Variants in LRRC37A2 observed in about 807,000 individuals in gnomAD.
LRRC37A2 encodes leucine-rich repeat-containing protein 37A2.
LRRC37A2 carries 9 observed loss-of-function variants against 68.8 expected under a neutral mutation model. The observed-to-expected ratio is 0.13, with a 90% CI of 0.08 to 0.23. The LOEUF is 0.23. Among genes scored for constraint, LRRC37A2 ranks in the 10% least tolerant of loss-of-function variants. LRRC37A2 has a pLI of 1.00. For synonymous variants in LRRC37A2, 63 were observed against 367.6 expected, an observed-to-expected ratio of 0.17 and a Z score of 9.48; for missense variants, 168 against 950.4, an observed-to-expected ratio of 0.18 and a Z score of 10.82.
the LRRC37A2 span, among the ~76,000 whole-genome samples, chr17:46,779,093 ACACACACACAC>A: frequency 8.3e-6 from 1 of 121,160 alleles, no homozygotes; most frequent in Non-Finnish European, 1.9e-5. Context: ...ACACACACAC[ACACACACACAC>A]CCCAGCCCAC....
the LRRC37A2 span, among the ~76,000 whole-genome samples, chr17:46,392,456 T>TC: frequency 1.7e-5 from 1 of 60,242 alleles, no homozygotes; most frequent in Non-Finnish European, 4.0e-5. Flanking sequence ...TTTCTTTCTT[T>TC]CTTTCTTTCT....
chr17:46,827,007 C>A, the LRRC37A2 span, among the ~76,000 whole-genome samples: 1 of 152,140 alleles, frequency 6.6e-6, no homozygotes, highest in African/African-American at 2.4e-5. Flanking sequence ...GAACTCCTGA[C>A]CTCAAATGAT....
At chr17:47,021,827 A>G in the LRRC37A2 span, 554 of 1,410,638 alleles carry the variant, frequency 3.9e-4, no homozygotes, top group Non-Finnish European at 5.2e-4. Context: ...CTATTCAAGG[A>G]TATAAACTGT....
the LRRC37A2 span, among the ~76,000 whole-genome samples, chr17:46,959,387 C>T: frequency 6.6e-6 from 1 of 152,210 alleles, no homozygotes; most frequent in South Asian, 2.1e-4. Context: ...GTCTGGTAGT[C>T]CTCAAAAGCC....
At chr17:46,635,777 A>G in the LRRC37A2 span, among the ~76,000 whole-genome samples, 2 of 116,702 alleles carry the variant, frequency 1.7e-5, no homozygotes, top group Non-Finnish European at 3.8e-5. Context: ...GGGAAAATAA[A>G]TGTGTGTGTG....
chr17:46,381,949 A>AT, the LRRC37A2 span, among the ~76,000 whole-genome samples: 1 of 116,236 alleles, frequency 8.6e-6, no homozygotes, highest in Non-Finnish European at 2.0e-5. Flanking sequence ...AAATGTTAAC[A>AT]TATGATATCT....
chr17:46,968,961 T>C, the LRRC37A2 span: 1 of 152,652 alleles, frequency 6.6e-6, no homozygotes, highest in African/African-American at 2.4e-5. Flanking sequence ...ATTGTTCTAA[T>C]GGGTCCTACC....
chr17:46,499,279 T>C, the LRRC37A2 span, among the ~76,000 whole-genome samples: 1 of 103,500 alleles, frequency 9.7e-6, no homozygotes, highest in Non-Finnish European at 1.7e-5. Flanking sequence ...ACCACTGCAC[T>C]CCAGCCTGGT....
At chr17:47,041,978 C>G in the LRRC37A2 span, 2 of 41,086 alleles carry the variant, frequency 4.9e-5, 1 homozygote, top group African/African-American at 1.2e-4. Context: ...AGGAGACCAC[C>G]AGGTTGCCTA....
chr17:46,939,975 A>G, the LRRC37A2 span: 33 of 1,009,474 alleles, frequency 3.3e-5, no homozygotes, highest in Non-Finnish European at 3.9e-5. Context: ...AAGACATAAA[A>G]TGACACTCAA....
At chr17:46,722,511 G>T in the LRRC37A2 span, among the ~76,000 whole-genome samples, 4 of 152,070 alleles carry the variant, frequency 2.6e-5, no homozygotes, top group African/African-American at 9.7e-5. Context: ...TAAAGTTGTG[G>T]TGCAGCTTCC....
At chr17:46,881,793 A>G in the LRRC37A2 span, among the ~76,000 whole-genome samples, 1 of 152,218 alleles carries the variant, frequency 6.6e-6, no homozygotes, top group Non-Finnish European at 1.5e-5. Flanking sequence ...TGCATTTGCA[A>G]TATCTATCTT....
chr17:46,862,475 T>G, the LRRC37A2 span, among the ~76,000 whole-genome samples: 4 of 152,194 alleles, frequency 2.6e-5, no homozygotes, highest in African/African-American at 9.7e-5. Context: ...ACTTGTAGTT[T>G]TCTGAGTTTC....
chr17:46,932,541 A>T, the LRRC37A2 span: 1 of 527,308 alleles, frequency 1.9e-6, no homozygotes, highest in Non-Finnish European at 3.3e-6. Flanking sequence ...AACTTAGGCC[A>T]TTTGTAGAGA....
the LRRC37A2 span, among the ~76,000 whole-genome samples, chr17:46,961,950 CA>C: frequency 2.6e-5 from 4 of 152,242 alleles, no homozygotes; most frequent in East Asian, 7.7e-4. Flanking sequence ...ATTTAATCAA[CA>C]AATACTTGTT....
chr17:46,753,670 T>TC, the LRRC37A2 span, among the ~76,000 whole-genome samples: 1 of 152,200 alleles, frequency 6.6e-6, no homozygotes, highest in African/African-American at 2.4e-5. Context: ...CTCATCCCTT[T>TC]CCCTTCCTTT....
chr17:46,920,685 G>A, the LRRC37A2 span, among the ~76,000 whole-genome samples: 1 of 152,146 alleles, frequency 6.6e-6, no homozygotes, highest in African/African-American at 2.4e-5. Context: ...TCTCCTCCTA[G>A]AGACGACCCC....
the LRRC37A2 span, among the ~76,000 whole-genome samples, chr17:46,786,121 G>A: frequency 6.9e-6 from 1 of 144,840 alleles, no homozygotes; most frequent in Admixed American, 7.2e-5. Flanking sequence ...AAAGGGAGGA[G>A]GGTGCGAGAG....
At chr17:46,912,785 T>C in the LRRC37A2 span, among the ~76,000 whole-genome samples, 2 of 152,316 alleles carry the variant, frequency 1.3e-5, no homozygotes, top group South Asian at 4.1e-4. Flanking sequence ...ACTGGGGTCA[T>C]TGTTGCTGTC....
Sources: gnomAD v4.1 joint callset for allele counts (sites outside exome capture counted in the v4.1 genomes callset) on GRCh38, gnomAD v4.1.1 for gene constraint, MANE v1.5 for transcripts, NCBI Gene and HGNC (gene_info 2026-07-23, HGNC 2026-07-21) for gene names.